The following NDST4 variants were observed in gnomAD, a reference collection of about 807,000 sequenced individuals.
NDST4 encodes the protein N-deacetylase and N-sulfotransferase 4.
In NDST4, 63 loss-of-function variants were observed where a neutral mutation model predicts 100.8. The observed-to-expected ratio is 0.62, with a 90% CI of 0.51 to 0.77. The LOEUF (loss-of-function observed/expected upper bound fraction) is 0.77, where lower values mean the gene tolerates loss of function less well. Ranked by LOEUF, NDST4 falls within the 30% of genes least tolerant of loss-of-function variation. The pLI is 0.00. For missense variants in NDST4, 943 were observed against 1,018.4 expected (o/e 0.93, Z 1.01); for synonymous variants, 377 against 361.8 (o/e 1.04, Z -0.48).
In NDST4 at chr4:115,073,472, T is replaced by C. The variant is rs190272572; in HGVS notation, c.978+2587A>G. Among the ~76,000 whole-genome samples the C allele has an allele frequency of 8.3e-3, 1,261 of 152,086 alleles. 5 individuals carry two copies. The highest frequency in any genetic ancestry group is 0.014 in the Non-Finnish European group (966 of 67,870). On this transcript the variant is annotated intron_variant, in intron 2 of 13. Transcript: ENST00000264363. Reference sequence around the variant, plus strand: ...AATGGGGTACATATACACAATGAAATATCATTCAGACATTACAAAGAAGAA... The same window carrying C: ...AATGGGGTACATATACACAATGAAACATCATTCAGACATTACAAAGAAGAA...
At chr4:115,005,205 A>G (rs1727386561) in intron 2 of NDST4, among the ~76,000 whole-genome samples, 1 of 152,208 alleles carries the variant, frequency 6.6e-6, no homozygotes, top group Non-Finnish European at 1.5e-5. Context: ...GATACAATAG[A>G]GAACAATACA....
chr4:115,086,905 A>T (rs1329101671), intron 1 of NDST4, among the ~76,000 whole-genome samples: 1 of 152,064 alleles, frequency 6.6e-6, no homozygotes, highest in Non-Finnish European at 1.5e-5. Context: ...CTGCTTTGCC[A>T]TATAAGATTT....
intron 6 of NDST4, among the ~76,000 whole-genome samples, chr4:114,905,913 T>C (rs1237327408): frequency 6.6e-6 from 1 of 151,996 alleles, no homozygotes; most frequent in Admixed American, 6.6e-5. Flanking sequence ...CAGCCCTCTC[T>C]TTGACACATG....
At chr4:114,916,489 T>C (rs1164288493) in intron 6 of NDST4, among the ~76,000 whole-genome samples, 1 of 151,520 alleles carries the variant, frequency 6.6e-6, no homozygotes, top group Non-Finnish European at 1.5e-5. Context: ...AAAGTAAAAA[T>C]TTTAAGTACT....
intron 1 of NDST4, among the ~76,000 whole-genome samples, chr4:115,094,305 A>T (rs1274365624): frequency 1.9e-4 from 29 of 152,150 alleles, no homozygotes; most frequent in Non-Finnish European, 8.8e-5. Flanking sequence ...CACTGATGTC[A>T]ACAGAAGATC....
intron 2 of NDST4, among the ~76,000 whole-genome samples, chr4:115,028,170 A>G (rs78345873): frequency 0.014 from 2,175 of 152,290 alleles, 50 homozygotes; most frequent in African/African-American, 0.047. Context: ...GAGGTATTTA[A>G]GAGATATAAT....
chr4:114,944,914 A>G (rs1725826984), intron 4 of NDST4, among the ~76,000 whole-genome samples: 2 of 152,150 alleles, frequency 1.3e-5, no homozygotes, highest in African/African-American at 2.4e-5. Flanking sequence ...ACAGAGAGCC[A>G]GAGAATAAAA....
chr4:115,073,726 GA>G (rs1729125176), intron 2 of NDST4, among the ~76,000 whole-genome samples: 1 of 151,856 alleles, frequency 6.6e-6, no homozygotes, highest in African/African-American at 2.4e-5. Flanking sequence ...AGAAGTTGAA[GA>G]AACCTATAGT....
intron 4 of NDST4, among the ~76,000 whole-genome samples, chr4:114,957,063 T>C (rs1318399830): frequency 6.6e-6 from 1 of 152,102 alleles, no homozygotes; most frequent in East Asian, 1.9e-4. Flanking sequence ...ATGATGACAA[T>C]ATCTCATCCA....
intron 2 of NDST4, among the ~76,000 whole-genome samples, chr4:115,016,214 A>G (rs1033980895): frequency 3.3e-5 from 5 of 152,036 alleles, no homozygotes; most frequent in Non-Finnish European, 5.9e-5. Context: ...TTGATAGATT[A>G]GTGGAAAGGC....
intron 1 of NDST4, among the ~76,000 whole-genome samples, chr4:115,088,033 G>A (rs1189506779): frequency 6.6e-6 from 1 of 151,584 alleles, no homozygotes. Flanking sequence ...AATAAAAGGG[G>A]AAATGTGATT....
At chr4:114,867,372 G>A (rs1242034453) in intron 7 of NDST4, among the ~76,000 whole-genome samples, 2 of 152,154 alleles carry the variant, frequency 1.3e-5, no homozygotes, top group Admixed American at 6.6e-5. Flanking sequence ...TTAGTGCTCT[G>A]TGGTTTATTT....
intron 2 of NDST4, among the ~76,000 whole-genome samples, chr4:115,062,411 G>T (rs1317013410): frequency 6.6e-6 from 1 of 151,528 alleles, no homozygotes; most frequent in East Asian, 1.9e-4. Flanking sequence ...AATAAATAAG[G>T]CCAGTATACA....
Position 115,077,222 on chromosome 4 carries a change from G to C in NDST4, c.-186C>G. ...AAGGCAATAGATGGGAAGGATATAC[G>C]TTGAGGAGATTTTGAATATGTCCAA... On this transcript the variant is annotated 5_prime_UTR_variant, in exon 2 of 14. Transcript: ENST00000264363. The C allele has an allele frequency of 3.6e-6, 2 of 549,924 alleles. No homozygotes were observed. The allele number at this position is 549,924 out of a possible 1,614,324, so 34.1% of individuals were successfully genotyped here.
chr4:114,937,518 G>A lies in NDST4; in HGVS notation c.1222-15C>T, dbSNP rs1725656239. ...ATTCCATGTTCCTAAAACAAAGCCA[G>A]AACAACATCATGATGGGACAAGGCC... On this transcript the variant is annotated splice_polypyrimidine_tract_variant and intron_variant, in intron 4 of 13. Transcript: ENST00000264363. The A allele has an allele frequency of 1.3e-6, 2 of 1,526,976 alleles. No individual in the cohort carries two copies. Among genetic ancestry groups the A allele is most frequent in the Non-Finnish European group, 1.8e-6 (2 of 1,138,378 alleles). 94.6% of individuals were successfully genotyped at this position (1,526,976 alleles called of 1,614,324 possible). A position where few individuals can be genotyped will look rare whatever the true frequency, so the allele number is the denominator to read the frequency against.
intron 8 of NDST4, among the ~76,000 whole-genome samples, chr4:114,850,414 A>T (rs1298522967): frequency 4.6e-5 from 7 of 152,168 alleles, no homozygotes; most frequent in African/African-American, 1.7e-4. Context: ...AAGCACTCTC[A>T]ACTAGAAACA....
intron 6 of NDST4, among the ~76,000 whole-genome samples, chr4:114,872,910 G>T (rs758278966): frequency 1.3e-5 from 2 of 151,824 alleles, no homozygotes; most frequent in African/African-American, 4.8e-5. Flanking sequence ...TTTGACATCC[G>T]TCATTTTTTT....
At chr4:114,839,335 A>G (rs1723375399) in intron 11 of NDST4, 43 bp downstream of exon 11, 1 of 1,536,890 alleles carries the variant, frequency 6.5e-7, no homozygotes, top group South Asian at 1.2e-5. Flanking sequence ...ATTTCAGGAC[A>G]TTATAATAAA....
At chr4:114,857,606 G>A (rs1026123607) in intron 7 of NDST4, among the ~76,000 whole-genome samples, 1 of 152,180 alleles carries the variant, frequency 6.6e-6, no homozygotes, top group African/African-American at 2.4e-5. Context: ...AGACTAAAAT[G>A]GACTTTGGTG....
Sources: gnomAD v4.1 joint callset for allele counts (sites outside exome capture counted in the v4.1 genomes callset) on GRCh38, gnomAD v4.1.1 for gene constraint, MANE v1.5 for transcripts, NCBI Gene and HGNC (gene_info 2026-07-23, HGNC 2026-07-21) for gene names.